SF3B3: variants seen among roughly 807,000 people sequenced by gnomAD.
The protein encoded by SF3B3 is SAP 130.
SF3B3 carries 33 observed loss-of-function variants against 139.2 expected under a neutral mutation model. That is an observed-to-expected ratio of 0.24 (90% CI 0.18 to 0.32). The LOEUF is 0.32. Among genes scored for constraint, SF3B3 ranks in the 10% least tolerant of loss-of-function variants. The probability of loss-of-function intolerance (pLI) is 1.00; values close to 1 mark genes in which losing one functional copy is unlikely to be tolerated. For missense variants in SF3B3, 818 were observed against 1,509.4 expected (o/e 0.54, Z 7.59); for synonymous variants, 596 against 563.6 (o/e 1.06, Z -0.81).
At chr16:70,534,871 G>A (rs1471559986) in intron 5 of SF3B3, among the ~76,000 whole-genome samples, 1 of 152,120 alleles carries the variant, frequency 6.6e-6, no homozygotes, top group Non-Finnish European at 1.5e-5. Flanking sequence ...ATTTCACCGT[G>A]TTGGCCAGGC....
chr16:70,571,562 C>G (rs758188648), intron 25 of SF3B3, 111 bp from the exon 26 acceptor site: 14 of 1,207,948 alleles, frequency 1.2e-5, no homozygotes, highest in Non-Finnish European at 1.6e-5. Flanking sequence ...GAGACCCTGT[C>G]TCAAAAACTA....
At chr16:70,539,368 T>G (rs1324241229) in intron 8 of SF3B3, among the ~76,000 whole-genome samples, 161 bp downstream of exon 8, 1 of 151,612 alleles carries the variant, frequency 6.6e-6, no homozygotes, top group Non-Finnish European at 1.5e-5. Context: ...GCCAACATGG[T>G]GAAACCCCAT....
chr16:70,548,280 G>A (rs1024679398), intron 10 of SF3B3, 90 bp from the exon 11 acceptor site: 10 of 1,045,158 alleles, frequency 9.6e-6, no homozygotes, highest in Non-Finnish European at 1.5e-5. Context: ...TGTGAACCCT[G>A]CCTTTGAGAC....
intron 5 of SF3B3, among the ~76,000 whole-genome samples, chr16:70,534,955 C>G (rs1350824447): frequency 6.6e-6 from 1 of 152,190 alleles, no homozygotes; most frequent in Non-Finnish European, 1.5e-5. Context: ...CATGAGCCAC[C>G]ATGCCCAGCC....
chr16:70,542,981 C>A (rs1353016354), intron 9 of SF3B3, among the ~76,000 whole-genome samples: 1 of 152,074 alleles, frequency 6.6e-6, no homozygotes, highest in Non-Finnish European at 1.5e-5. Flanking sequence ...CCTTGGTCTC[C>A]CAAAGTGCTG....
At chr16:70,533,522 G>A (rs2050140400) in intron 5 of SF3B3, among the ~76,000 whole-genome samples, 1 of 152,178 alleles carries the variant, frequency 6.6e-6, no homozygotes, top group Non-Finnish European at 1.5e-5. Flanking sequence ...ATCAGATTCA[G>A]TGTTTTAAAT....
Position 70,556,258 on chromosome 16 carries a change from C to G in SF3B3, c.1790C>G (p.Pro597Arg), listed in dbSNP as rs1369708002. ...VVCMSLANVPPGEQRSRFLAV... is the reference protein window; with the variant it reads ...VVCMSLANVPRGEQRSRFLAV... ...TGCATGAGTCTGGCCAATGTACCCC[C>G]TGGAGAGCAGCGGTCTCGCTTCCTG... is the stretch of plus-strand genomic sequence containing the variant. The change falls in exon 14 of 26, where the codon CCT (proline) becomes CGT (arginine). Residue 597 changes from proline to arginine, a missense_variant. Coordinates refer to ENST00000302516, the MANE Select transcript of SF3B3 (RefSeq NM_012426.5). The G allele has an allele frequency of 6.8e-6, 11 of 1,614,076 alleles. No individual in the cohort carries two copies. The highest frequency in any genetic ancestry group is 9.3e-6 in the Non-Finnish European group (11 of 1,180,024).
chr16:70,564,625 C>T (rs973235631), intron 18 of SF3B3, among the ~76,000 whole-genome samples: 2 of 152,208 alleles, frequency 1.3e-5, no homozygotes, highest in Admixed American at 6.5e-5. Flanking sequence ...TTCATGTTCT[C>T]CACAACACCA....
At chr16:70,526,410 G>T (rs1023967039) in intron 1 of SF3B3, among the ~76,000 whole-genome samples, 177 bp from the exon 2 acceptor site, 2 of 152,082 alleles carry the variant, frequency 1.3e-5, no homozygotes, top group African/African-American at 4.8e-5. Context: ...GTTTCACTGT[G>T]TTGCCCAAGC....
chr16:70,574,065 T>A lies in SF3B3; in HGVS notation c.*2252T>A, dbSNP rs138721969. 50 of 152,312 alleles carry A rather than the reference T, an allele frequency of 3.3e-4. No homozygotes were observed. The highest frequency in any genetic ancestry group is 1.1e-3 in the African/African-American group (47 of 41,570). The allele number at this position is 152,312 out of a possible 1,614,324, so 9.4% of individuals were successfully genotyped here. A position where few individuals can be genotyped will look rare whatever the true frequency, so the allele number is the denominator to read the frequency against. ...AGGGAGAGTGCTGGTCCCCAGAATG[T>A]GTGCTGTTCCCACGCTGCTGCCTTT... is the stretch of plus-strand genomic sequence containing the variant. On this transcript the variant is annotated 3_prime_UTR_variant, in exon 26 of 26. Transcript: ENST00000302516.
chr16:70,527,855 C>A (rs985451541), intron 2 of SF3B3, among the ~76,000 whole-genome samples: 9 of 151,710 alleles, frequency 5.9e-5, no homozygotes. Context: ...GGCTCACTGC[C>A]ACCTCCGCCT....
At chr16:70,554,153 T>A in intron 11 of SF3B3, 1 of 257,678 alleles carries the variant, frequency 3.9e-6, no homozygotes, top group Non-Finnish European at 7.5e-6. Flanking sequence ...GTATCAATAT[T>A]GTAGTATTTA....
At chr16:70,564,826 T>G (rs2050460405) in intron 18 of SF3B3, among the ~76,000 whole-genome samples, 1 of 152,204 alleles carries the variant, frequency 6.6e-6, no homozygotes, top group Non-Finnish European at 1.5e-5. Context: ...ATTGTTATTT[T>G]TGGTGTTTTC....
chr16:70,526,599 C>T lies in SF3B3; in HGVS notation c.-58C>T. On this transcript the variant is annotated 5_prime_UTR_variant, in exon 2 of 26. Coordinates refer to ENST00000302516, the MANE Select transcript of SF3B3 (RefSeq NM_012426.5). ...TCTGTTTTCTTAGCTTTCTTGGACT[C>T]CGTACTGTTGGTGTAACCAAGGCCT... 8.2e-7 allele frequency: 1 copy of T among 1,218,364 alleles called. No individual in the cohort carries two copies. Among genetic ancestry groups the T allele is most frequent in the South Asian group, 1.3e-5 (1 of 79,060 alleles). 75.5% of individuals were successfully genotyped at this position (1,218,364 alleles called of 1,614,324 possible).
At chr16:70,546,344 G>A (rs923932338) in intron 10 of SF3B3, among the ~76,000 whole-genome samples, 1 of 152,210 alleles carries the variant, frequency 6.6e-6, no homozygotes, top group African/African-American at 2.4e-5. Flanking sequence ...GAAAGCTAGT[G>A]CTTTACACAA....
chr16:70,569,803 G>T (rs2050511019), intron 23 of SF3B3: 3 of 545,052 alleles, frequency 5.5e-6, no homozygotes, highest in Non-Finnish European at 6.5e-6. Flanking sequence ...AGATTTTGTG[G>T]GTATGGGTAT....
At chr16:70,547,931 T>A (rs2050284500) in intron 10 of SF3B3, among the ~76,000 whole-genome samples, 1 of 151,866 alleles carries the variant, frequency 6.6e-6, no homozygotes, top group South Asian at 2.1e-4. Context: ...AAGGGAGAGG[T>A]GACTGCCAGC....
chr16:70,545,619 T>A (rs76358911), intron 10 of SF3B3, among the ~76,000 whole-genome samples: 4,845 of 152,290 alleles, frequency 0.032, 285 homozygotes, highest in African/African-American at 0.11. Flanking sequence ...GGAATGGCAA[T>A]CTGAGCTCTC....
At chr16:70,552,620 C>T (rs1323873100) in intron 11 of SF3B3, among the ~76,000 whole-genome samples, 1 of 152,156 alleles carries the variant, frequency 6.6e-6, no homozygotes, top group Non-Finnish European at 1.5e-5. Flanking sequence ...CTGTATTATT[C>T]CTTATGATTT....
Sources: allele counts gnomAD v4.1 joint callset (sites outside exome capture counted in the v4.1 genomes callset), GRCh38; gene constraint gnomAD v4.1.1; transcripts MANE v1.5; gene names NCBI Gene and HGNC (gene_info 2026-07-23, HGNC 2026-07-21).